Variants in CSMD1 observed in about 807,000 individuals in gnomAD.
CSMD1 encodes the protein CUB and Sushi multiple domains 1, also known as CUB and sushi domain-containing protein 1.
CSMD1 carries 213 observed loss-of-function variants against 417.5 expected under a neutral mutation model. The ratio of observed to expected loss-of-function variants is 0.51; its 90% CI spans 0.46 to 0.57. CSMD1 has a LOEUF of 0.57. Among genes scored for constraint, CSMD1 ranks in the 20% least tolerant of loss-of-function variants. The pLI is 0.00. For missense variants in CSMD1, 6,923 were observed against 4,529.7 expected, an observed-to-expected ratio of 1.53 and a Z score of -15.17; for synonymous variants, 2,862 against 1,736.8, an observed-to-expected ratio of 1.65 and a Z score of -16.11.
At chr8:4,086,359 T>G (rs1285269987) in intron 3 of CSMD1, among the ~76,000 whole-genome samples, 1 of 152,202 alleles carries the variant, frequency 6.6e-6, no homozygotes, top group Non-Finnish European at 1.5e-5. Context: ...ATACTGAAAC[T>G]TGAAATTTGA....
At chr8:4,555,144 A>G (rs143289242) in intron 2 of CSMD1, among the ~76,000 whole-genome samples, 89 of 152,328 alleles carry the variant, frequency 5.8e-4, no homozygotes, top group African/African-American at 2.0e-3. Context: ...GTGAAATATG[A>G]TCACTTTTAC....
At chr8:4,223,988 A>G (rs559832792) in intron 3 of CSMD1, among the ~76,000 whole-genome samples, 1 of 152,296 alleles carries the variant, frequency 6.6e-6, no homozygotes, top group Admixed American at 6.5e-5. Context: ...CCTTTCTAGT[A>G]AAATTCTTTA....
rs578209142 is a variant in CSMD1 at position 3,175,121 on chromosome 8, C to T, written c.5725+5989G>A. On this transcript the variant is annotated intron_variant, in intron 37 of 69. Coordinates refer to ENST00000635120, the MANE Select transcript of CSMD1 (RefSeq NM_033225.6). The stretch of plus-strand genomic sequence containing the variant: ...AAAGTGTGAATCAAATCAGGTAAAA[C>T]AGTAAAATATTTATGTTTAGTTTAT... 2.2e-3 allele frequency among the ~76,000 whole-genome samples: 332 copies of T among 152,172 alleles called. 1 individual carries two copies. Among genetic ancestry groups the T allele is most frequent in the African/African-American group, 7.6e-3 (316 of 41,530 alleles).
At chr8:4,217,786 A>C (rs966229976) in intron 3 of CSMD1, among the ~76,000 whole-genome samples, 1 of 152,204 alleles carries the variant, frequency 6.6e-6, no homozygotes, top group African/African-American at 2.4e-5. Context: ...TGTTGGGCTA[A>C]GAGACCACAG....
chr8:4,417,114 A>G (rs1796983006), intron 3 of CSMD1, among the ~76,000 whole-genome samples: 1 of 152,064 alleles, frequency 6.6e-6, no homozygotes, highest in South Asian at 2.1e-4. Context: ...TGTTAATTTG[A>G]ATATATACAC....
At chr8:4,792,514 T>C (rs1346056102) in intron 1 of CSMD1, among the ~76,000 whole-genome samples, 1 of 152,214 alleles carries the variant, frequency 6.6e-6, no homozygotes, top group Non-Finnish European at 1.5e-5. Flanking sequence ...TTGTGGTTGC[T>C]GTCTGTGCTT....
chr8:4,250,407 C>T (rs1192304959), intron 3 of CSMD1, among the ~76,000 whole-genome samples: 1 of 152,034 alleles, frequency 6.6e-6, no homozygotes, highest in Non-Finnish European at 1.5e-5. Flanking sequence ...GGTTGAGGAT[C>T]CAATATTGTA....
At chr8:3,235,241 TCAGGGATAA>T (rs1799082130) in intron 26 of CSMD1, among the ~76,000 whole-genome samples, 1 of 152,182 alleles carries the variant, frequency 6.6e-6, no homozygotes, top group Non-Finnish European at 1.5e-5. Flanking sequence ...GCCAAGGACA[TCAGGGATAA>T]CAGTTTCATT....
chr8:3,851,160 G>C (rs184235433), intron 5 of CSMD1, among the ~76,000 whole-genome samples: 119 of 152,270 alleles, frequency 7.8e-4, no homozygotes, highest in African/African-American at 2.5e-3. Flanking sequence ...ATTTGTGACA[G>C]GATATATTAT....
chr8:4,654,268 A>G (rs1400064206), intron 1 of CSMD1, among the ~76,000 whole-genome samples: 1 of 152,086 alleles, frequency 6.6e-6, no homozygotes, highest in African/African-American at 2.4e-5. Flanking sequence ...GTTCAGGCAA[A>G]TCTCAAATGA....
intron 5 of CSMD1, among the ~76,000 whole-genome samples, chr8:3,992,328 G>C (rs1038876624): frequency 4.6e-5 from 7 of 152,070 alleles, no homozygotes; most frequent in Non-Finnish European, 7.3e-5. Flanking sequence ...GGGAACTCTG[G>C]GGTGACAGTT....
chr8:3,048,009 C>G (rs991052472), intron 50 of CSMD1, among the ~76,000 whole-genome samples: 2 of 152,184 alleles, frequency 1.3e-5, no homozygotes, highest in African/African-American at 4.8e-5. Context: ...AAGTAACAGG[C>G]ACATGTGCGA....
intron 5 of CSMD1, among the ~76,000 whole-genome samples, chr8:3,978,131 C>A (rs867614725): frequency 6.6e-6 from 1 of 152,086 alleles, no homozygotes; most frequent in Admixed American, 6.5e-5. Flanking sequence ...AAAAGCAAGC[C>A]CTGCCCTCAA....
intron 10 of CSMD1, among the ~76,000 whole-genome samples, chr8:3,500,984 G>C (rs933633430): frequency 6.6e-6 from 1 of 152,056 alleles, no homozygotes. Context: ...GATTTTGCAG[G>C]AAAGAAATAT....
intron 3 of CSMD1, among the ~76,000 whole-genome samples, chr8:4,277,090 T>C (rs189371100): frequency 5.5e-4 from 84 of 152,300 alleles, no homozygotes; most frequent in African/African-American, 1.9e-3. Context: ...TAAAATTGCA[T>C]GTAACTTTTC....
intron 2 of CSMD1, among the ~76,000 whole-genome samples, chr8:4,512,846 AG>A (rs1217846386): frequency 6.6e-6 from 1 of 152,010 alleles, no homozygotes; most frequent in Non-Finnish European, 1.5e-5. Context: ...AGTACTGTCA[AG>A]TTGTCAGCTC....
chr8:4,021,898 C>A (rs1346386920), intron 4 of CSMD1, among the ~76,000 whole-genome samples: 1 of 151,956 alleles, frequency 6.6e-6, no homozygotes, highest in African/African-American at 2.4e-5. Context: ...GGAAAACAAA[C>A]TACCCCAGAT....
chr8:3,454,144 T>C (rs7010325), intron 12 of CSMD1, among the ~76,000 whole-genome samples: 15,466 of 152,240 alleles, frequency 0.1, 1,407 homozygotes, highest in East Asian at 0.33. Flanking sequence ...CCCCTGCCTT[T>C]TTTTGTTTTC....
At position 3,050,890 on chromosome 8, in the gene CSMD1, A is replaced by T. The variant is rs1411902853; in HGVS notation, c.7660+1572T>A. 2.6e-5 allele frequency among the ~76,000 whole-genome samples: 4 copies of T among 152,334 alleles called. No individual in the cohort carries two copies. The East Asian group carries it at 5.8e-4, about 22-fold the overall frequency. On this transcript the variant is annotated intron_variant, in intron 50 of 69. Transcript: ENST00000635120. ...TGACTTTATTATTGAAGACTATGTG[A>T]ATCCTTCTGCTAGTATCACTGGCGC...
Sources: allele counts gnomAD v4.1 joint callset (sites outside exome capture counted in the v4.1 genomes callset), GRCh38; gene constraint gnomAD v4.1.1; transcripts MANE v1.5; gene names NCBI Gene and HGNC (gene_info 2026-07-23, HGNC 2026-07-21).